The following LMNTD1 variants were observed in gnomAD, a reference collection of about 807,000 sequenced individuals.
The protein encoded by LMNTD1 is lamin tail domain containing 1.
LMNTD1 carries 35 observed loss-of-function variants against 50.9 expected under a neutral mutation model. The observed-to-expected ratio is 0.69, with a 90% CI of 0.53 to 0.91. LMNTD1 has a LOEUF of 0.91. Ranked by LOEUF, LMNTD1 falls within the 40% of genes least tolerant of loss-of-function variation. The pLI, the probability that LMNTD1 is intolerant of heterozygous loss-of-function variation, is 0.00. For missense variants in LMNTD1, 470 were observed against 475.5 expected, an observed-to-expected ratio of 0.99 and a Z score of 0.11; for synonymous variants, 153 against 161.9, an observed-to-expected ratio of 0.94 and a Z score of 0.42.
chr12:25,487,589 A>G (rs1052131817), intron 9 of LMNTD1, among the ~76,000 whole-genome samples: 3 of 133,508 alleles, frequency 2.2e-5, no homozygotes, highest in Non-Finnish European at 3.1e-5. Flanking sequence ...TCTTTATCCA[A>G]TTTGCCTGTC....
At chr12:25,614,250 T>C (rs1187574288) in intron 1 of LMNTD1, among the ~76,000 whole-genome samples, 1 of 152,050 alleles carries the variant, frequency 6.6e-6, no homozygotes, top group Non-Finnish European at 1.5e-5. Flanking sequence ...CCTCATCAGT[T>C]GCTTCTTCTG....
At chr12:25,487,403 T>G (rs1938689571) in intron 9 of LMNTD1, among the ~76,000 whole-genome samples, 1 of 134,112 alleles carries the variant, frequency 7.5e-6, no homozygotes, top group Non-Finnish European at 1.6e-5. Flanking sequence ...CTTCTTTGTC[T>G]CTTTTGATCT....
intron 8 of LMNTD1, among the ~76,000 whole-genome samples, chr12:25,511,103 T>C (rs1940255176): frequency 6.6e-6 from 1 of 152,114 alleles, no homozygotes. Context: ...TGTGAAGGCC[T>C]GGAGGTAGTC....
At chr12:25,528,376 T>A (rs932025962) in intron 4 of LMNTD1, among the ~76,000 whole-genome samples, 8 of 152,170 alleles carry the variant, frequency 5.3e-5, no homozygotes, top group Non-Finnish European at 1.2e-4. Context: ...AAGTAAAATC[T>A]CAAATAGGTT....
intron 9 of LMNTD1, among the ~76,000 whole-genome samples, chr12:25,500,877 G>A (rs1939347656): frequency 6.6e-6 from 1 of 152,174 alleles, no homozygotes; most frequent in Non-Finnish European, 1.5e-5. Context: ...AGTAAGGAGA[G>A]CATTTGAGAG....
intron 1 of LMNTD1, among the ~76,000 whole-genome samples, chr12:25,589,141 A>C (rs1192289459): frequency 1.3e-5 from 2 of 152,218 alleles, no homozygotes; most frequent in Admixed American, 6.5e-5. Flanking sequence ...TCATAGCAAC[A>C]TCATTTATTA....
chr12:25,494,918 G>A (rs1939010470), intron 9 of LMNTD1, among the ~76,000 whole-genome samples: 1 of 152,102 alleles, frequency 6.6e-6, no homozygotes, highest in Non-Finnish European at 1.5e-5. Flanking sequence ...AACTGTCACT[G>A]GGGTGTAAAA....
intron 1 of LMNTD1, among the ~76,000 whole-genome samples, chr12:25,645,087 T>C (rs887511886): frequency 2.0e-5 from 3 of 152,162 alleles, no homozygotes; most frequent in African/African-American, 7.2e-5. Context: ...TAAGGGCCTA[T>C]TTGAGGCCTG....
chr12:25,492,409 G>C (rs750890026), intron 9 of LMNTD1, among the ~76,000 whole-genome samples: 4 of 152,176 alleles, frequency 2.6e-5, no homozygotes, highest in Non-Finnish European at 4.4e-5. Context: ...GAGTTGCATT[G>C]TATAGATTGA....
chr12:25,538,888 G>A (rs1054827095), intron 4 of LMNTD1, among the ~76,000 whole-genome samples: 2 of 134,690 alleles, frequency 1.5e-5, no homozygotes, highest in African/African-American at 5.5e-5. Context: ...GATCTACCAA[G>A]CAAATGGAAA....
At chr12:25,493,998 G>T (rs1938976728) in intron 9 of LMNTD1, among the ~76,000 whole-genome samples, 1 of 152,164 alleles carries the variant, frequency 6.6e-6, no homozygotes, top group Admixed American at 6.5e-5. Flanking sequence ...GGACCGCTTT[G>T]CCAACCATGT....
chr12:25,609,616 A>G (rs1946198190), intron 1 of LMNTD1, among the ~76,000 whole-genome samples: 1 of 152,196 alleles, frequency 6.6e-6, no homozygotes, highest in African/African-American at 2.4e-5. Context: ...CTGAAGCTCC[A>G]CTCCAGACCC....
intron 1 of LMNTD1, among the ~76,000 whole-genome samples, chr12:25,558,444 A>G (rs1051202521): frequency 4.6e-5 from 7 of 152,094 alleles, no homozygotes; most frequent in African/African-American, 1.7e-4. Flanking sequence ...CTTTTGCTAT[A>G]TTCCATAGGT....
At chr12:25,511,922 C>T (rs143920690) in intron 8 of LMNTD1, among the ~76,000 whole-genome samples, 1 of 152,316 alleles carries the variant, frequency 6.6e-6, no homozygotes, top group East Asian at 1.9e-4. Context: ...TGCCCCCCCT[C>T]TTTTCAACCT....
At chr12:25,504,121 C>T (rs530341533) in intron 8 of LMNTD1, among the ~76,000 whole-genome samples, 4 of 152,322 alleles carry the variant, frequency 2.6e-5, no homozygotes, top group Non-Finnish European at 5.9e-5. Flanking sequence ...CACAAAATAT[C>T]CATCTGGAAG....
At chr12:25,632,921 G>A (rs1483914260) in intron 1 of LMNTD1, among the ~76,000 whole-genome samples, 1 of 151,886 alleles carries the variant, frequency 6.6e-6, no homozygotes, top group African/African-American at 2.4e-5. Context: ...TTGCCTTCAG[G>A]AGACTTGCCT....
chr12:25,560,545 T>A (rs1040297742), intron 1 of LMNTD1, among the ~76,000 whole-genome samples: 34 of 152,228 alleles, frequency 2.2e-4, no homozygotes, highest in Non-Finnish European at 2.9e-5. Context: ...TGGTTCCATA[T>A]GAACTTTAAA....
intron 1 of LMNTD1, among the ~76,000 whole-genome samples, chr12:25,611,604 A>G (rs184169117): frequency 8.4e-4 from 128 of 152,362 alleles, no homozygotes; most frequent in African/African-American, 2.7e-3. Context: ...ATTGCCTTAA[A>G]GAACAAAAAC....
chr12:25,582,284 C>T (rs1399379600), intron 1 of LMNTD1: 1 of 152,222 alleles, frequency 6.6e-6, no homozygotes, highest in African/African-American at 2.4e-5. Context: ...TCTGTGTCAA[C>T]AGAGGACGGT....
Sources: allele counts gnomAD v4.1 joint callset (sites outside exome capture counted in the v4.1 genomes callset), GRCh38; gene constraint gnomAD v4.1.1; transcripts MANE v1.5; gene names NCBI Gene and HGNC (gene_info 2026-07-23, HGNC 2026-07-21).